Variants in SLC5A10 observed in about 807,000 individuals in gnomAD.
SLC5A10 encodes the protein sodium/mannose cotransporter SLC5A10.
Under a neutral mutation model 68.9 loss-of-function variants are expected in SLC5A10, and 55 were observed. The observed-to-expected ratio is 0.80, with a 90% CI of 0.64 to 1.00. SLC5A10 has a LOEUF of 1.00. Ranked by LOEUF, SLC5A10 falls within the 50% of genes least tolerant of loss-of-function variation. The pLI is 0.00. For missense variants in SLC5A10, 732 were observed against 819.3 expected (o/e 0.89, Z 1.30); for synonymous variants, 344 against 344.8 (o/e 1.00, Z 0.02).
At chr17:18,976,572 G>A (rs765198039) in intron 8 of SLC5A10, 6 of 403,246 alleles carry the variant, frequency 1.5e-5, no homozygotes, top group Non-Finnish European at 2.7e-5. Context: ...ATTGCCAGGG[G>A]TGGTGGGCTG....
At chr17:18,958,962 G>A (rs1205710776) in intron 2 of SLC5A10, among the ~76,000 whole-genome samples, 173 bp from the exon 3 acceptor site, 5 of 152,244 alleles carry the variant, frequency 3.3e-5, no homozygotes, top group African/African-American at 9.6e-5. Context: ...ACTTACATCC[G>A]CTCCTTAGCT....
chr17:19,021,612 C>T lies in SLC5A10; in HGVS notation c.*1181C>T, dbSNP rs993486015. ...GCCAGGGTTCCTTAGGTTGAGCCTC[C>T]AGTGGGTGAAACCTGGGAGTCCTCA... On this transcript the variant is annotated 3_prime_UTR_variant, in exon 15 of 15. Transcript: ENST00000395645. The surrounding 1 kb of genome is among the most constrained non-coding windows in gnomAD (Gnocchi z 4.1). 2.6e-6 allele frequency: 1 copy of T among 390,644 alleles called. No homozygotes were observed. Among genetic ancestry groups the T allele is most frequent in the African/African-American group, 2.1e-5 (1 of 48,512 alleles). The allele number at this position is 390,644 out of a possible 1,614,324, so 24.2% of individuals were successfully genotyped here.
Position 19,003,787 on chromosome 17 carries a change from G to T in SLC5A10, c.983-9623G>T, listed in dbSNP as rs1416502819. The T allele has an allele frequency of 4.3e-6, 7 of 1,611,266 alleles. No homozygotes were observed. The South Asian group carries it at 7.7e-5, about 18-fold the overall frequency. ...CATTGTCCTCGGGCCCCTGAGAGGG[G>T]CCCGTGCCCCGAGGGTCCTCAGAGC... is the stretch of plus-strand genomic sequence containing the variant. On this transcript the variant is annotated intron_variant, in intron 9 of 14. Transcript: ENST00000395645. The surrounding 1 kb of genome is among the most constrained non-coding windows in gnomAD (Gnocchi z 4.5).
At chr17:19,014,942 G>C in intron 10 of SLC5A10, 107 bp from the exon 11 acceptor site, 1 of 1,351,554 alleles carries the variant, frequency 7.4e-7, no homozygotes, top group Non-Finnish European at 1.0e-6. Flanking sequence ...TGCCTTGGAG[G>C]AGCATGCAAA....
chr17:18,990,761 G>T (rs1156437174), intron 9 of SLC5A10, among the ~76,000 whole-genome samples: 1 of 151,826 alleles, frequency 6.6e-6, no homozygotes, highest in Non-Finnish European at 1.5e-5. Context: ...TTTGTAACAG[G>T]CACGAGCTTA....
chr17:18,977,121 A>T, intron 9 of SLC5A10, 132 bp downstream of exon 9: 1 of 1,271,918 alleles, frequency 7.9e-7, no homozygotes, highest in East Asian at 2.5e-5. Context: ...GAGTGGGGAG[A>T]GTGGTCCTCA....
Position 18,978,985 on chromosome 17 carries a change from G to A in SLC5A10, c.982+1996G>A, listed in dbSNP as rs1472577704. 6.1e-6 allele frequency: 6 copies of A among 986,058 alleles called. No homozygotes were observed. The East Asian group carries it at 7.8e-5, about 13-fold the overall frequency. The allele number at this position is 986,058 out of a possible 1,614,324, so 61.1% of individuals were successfully genotyped here. ...ATCAAGAAGTGAATGGGGGCAGAGAGCAGGTGCATACTGTGGGGTCAGACT... is the reference window on the plus strand; with the variant it reads ...ATCAAGAAGTGAATGGGGGCAGAGAACAGGTGCATACTGTGGGGTCAGACT... On this transcript the variant is annotated intron_variant, in intron 9 of 14. Transcript: ENST00000395645.
chr17:18,978,861 G>T, intron 9 of SLC5A10: 1 of 1,610,310 alleles, frequency 6.2e-7, no homozygotes. Flanking sequence ...CTGCAACAGA[G>T]GGAGGGGGCG....
chr17:18,953,333 C>T lies in SLC5A10; in HGVS notation c.111+1017C>T, dbSNP rs1474733821. Among the ~76,000 whole-genome samples the T allele has an allele frequency of 5.3e-5, 8 of 151,940 alleles. No homozygotes were observed. In the South Asian group the frequency reaches 6.2e-4, roughly 12 times the overall value. ...ATTTTTAGTAGAGACAGAGTTTTAC[C>T]GTGTTGGCCAGGCTAGTCTCGAACT... On this transcript the variant is annotated intron_variant, in intron 1 of 14. Coordinates refer to ENST00000395645, the MANE Select transcript of SLC5A10 (RefSeq NM_001042450.4).
Position 18,996,136 on chromosome 17 carries a change from GA to G in SLC5A10, c.983-17261del, listed in dbSNP as rs529997491. 0.011 allele frequency among the ~76,000 whole-genome samples: 1,531 copies of G among 137,490 alleles called. 19 individuals carry two copies. The highest frequency in any genetic ancestry group is 0.033 in the African/African-American group (1,251 of 37,648). The allele number at this position is 137,490 out of a possible 152,430, so 90.2% of individuals were successfully genotyped here. On this transcript the variant is annotated intron_variant, in intron 9 of 14. Transcript: ENST00000395645. The surrounding 1 kb of genome is among the most constrained non-coding windows in gnomAD (Gnocchi z 4.4). ...GGCAATATCTTTAAAGTACTAAATG[GA>G]AAAAAAAAAAAATCAACTTAGAATT...
intron 5 of SLC5A10, among the ~76,000 whole-genome samples, chr17:18,964,691 C>T (rs1401596625): frequency 2.6e-5 from 4 of 151,536 alleles, no homozygotes; most frequent in Non-Finnish European, 5.9e-5. Context: ...AGGGCAAGAG[C>T]TTGGCAAGTC....
In SLC5A10 at chr17:19,019,502, A is replaced by G. The variant is rs1486424208; in HGVS notation, c.1321A>G (p.Ile441Val). 4 of 1,612,570 alleles carry G rather than the reference A, an allele frequency of 2.5e-6. No homozygotes were observed. In the East Asian group the frequency reaches 8.9e-5, roughly 36 times the overall value. The change falls in exon 12 of 15, where the codon ATC becomes GTC. Residue 441 changes from isoleucine (I) to valine (V), a missense_variant. Coordinates refer to ENST00000395645, the MANE Select transcript of SLC5A10 (RefSeq NM_001042450.4). Reference sequence around the variant, plus strand: ...GGACTCCAACAGCGGGCAACTCTTCATCTACATGCAGTCAGTGACCAGCTC... The same window carrying G: ...GGACTCCAACAGCGGGCAACTCTTCGTCTACATGCAGTCAGTGACCAGCTC... ...LQDSNSGQLF[I>V]YMQSVTSSLA...
chr17:18,960,419 G>C (rs2042588595), intron 4 of SLC5A10, 129 bp from the exon 5 acceptor site: 1 of 816,448 alleles, frequency 1.2e-6, no homozygotes, highest in South Asian at 1.5e-5. Flanking sequence ...TCAGTGCCTG[G>C]GCCTTGCCCT....
At chr17:18,962,164 C>T (rs1040105931) in intron 5 of SLC5A10, among the ~76,000 whole-genome samples, 5 of 152,208 alleles carry the variant, frequency 3.3e-5, no homozygotes, top group African/African-American at 4.8e-5. Context: ...TAAACAAGAC[C>T]TGGCCCTGGT....
intron 8 of SLC5A10, among the ~76,000 whole-genome samples, chr17:18,972,970 G>A (rs945405348): frequency 1.3e-5 from 2 of 152,158 alleles, no homozygotes; most frequent in African/African-American, 4.8e-5. Context: ...CTCAAGCAGG[G>A]CCCCTCATGC....
chr17:18,991,903 T>C (rs1406185451), intron 9 of SLC5A10, among the ~76,000 whole-genome samples: 1 of 152,176 alleles, frequency 6.6e-6, no homozygotes, highest in East Asian at 1.9e-4. Context: ...GACAACCATC[T>C]GACTCCTGCC....
intron 9 of SLC5A10, among the ~76,000 whole-genome samples, chr17:19,010,886 G>T (rs1338671354): frequency 2.0e-5 from 3 of 152,194 alleles, no homozygotes; most frequent in African/African-American, 7.2e-5. Flanking sequence ...ACTAATGGGG[G>T]TAGAGGTGGT....
rs75540282 is a variant in SLC5A10, at chr17:18,965,727, A to C, written c.454-3325A>C. ...TGGGCTCCCGCCCTTGCAAGCCCCC[A>C]GTGGTGGCTACATGGTGCCAGGAGA... On this transcript the variant is annotated intron_variant, in intron 5 of 14. Coordinates refer to ENST00000395645, the MANE Select transcript of SLC5A10 (RefSeq NM_001042450.4). Among the ~76,000 whole-genome samples, 1,229 of 152,264 alleles carry C rather than the reference A, an allele frequency of 8.1e-3. 25 individuals carry two copies. The East Asian group carries it at 0.091, about 11-fold the overall frequency.
intron 6 of SLC5A10, 51 bp from the exon 7 acceptor site, chr17:18,969,291 C>T: frequency 6.3e-7 from 1 of 1,596,434 alleles, no homozygotes; most frequent in Non-Finnish European, 8.6e-7. Context: ...TCCCCGTGTC[C>T]CTCCTCCCTG....
Sources: gnomAD v4.1 joint callset for allele counts (sites outside exome capture counted in the v4.1 genomes callset) on GRCh38, gnomAD v4.1.1 for gene constraint, Gnocchi (gnomAD v3.1) non-coding constraint, MANE v1.5 for transcripts, NCBI Gene and HGNC (gene_info 2026-07-23, HGNC 2026-07-21) for gene names.